The following UBE3A variants were observed in gnomAD, a reference collection of about 807,000 sequenced individuals.
The protein encoded by UBE3A is ubiquitin-protein ligase E3A.
Under a neutral mutation model 83.4 loss-of-function variants are expected in UBE3A, and 6 were observed. That is an observed-to-expected ratio of 0.07 (90% CI 0.04 to 0.14). The LOEUF is 0.14. Among genes scored for constraint, UBE3A ranks in the 10% least tolerant of loss-of-function variants. The pLI is 1.00. For missense variants in UBE3A, 456 were observed against 1,036.1 expected (o/e 0.44, Z 7.69); for synonymous variants, 337 against 355.4 (o/e 0.95, Z 0.58).
chr15:25,433,152 A>G (rs1161177252), intron 1 of UBE3A, among the ~76,000 whole-genome samples: 2 of 151,960 alleles, frequency 1.3e-5, no homozygotes, highest in Non-Finnish European at 1.5e-5. Flanking sequence ...TTTAAAATGA[A>G]TTCACACACT....
At chr15:25,431,228 TAC>T (rs1467379895) in intron 1 of UBE3A, among the ~76,000 whole-genome samples, 4 of 152,220 alleles carry the variant, frequency 2.6e-5, no homozygotes, top group African/African-American at 9.6e-5. Context: ...TTCAACATGT[TAC>T]AGAGATGGCA....
At chr15:25,437,128 C>T (rs769222594) in intron 1 of UBE3A, among the ~76,000 whole-genome samples, 11 of 152,090 alleles carry the variant, frequency 7.2e-5, no homozygotes, top group South Asian at 2.1e-4. Flanking sequence ...GGCTTCTGGT[C>T]ATCCTTAGGG....
At chr15:25,361,434 A>T (rs2078087940) in intron 6 of UBE3A, among the ~76,000 whole-genome samples, 1 of 152,068 alleles carries the variant, frequency 6.6e-6, no homozygotes. Flanking sequence ...CTTATTCTTA[A>T]ATTGTAAGTT....
At chr15:25,388,480 C>T (rs1423774173) in intron 4 of UBE3A, among the ~76,000 whole-genome samples, 2 of 152,014 alleles carry the variant, frequency 1.3e-5, no homozygotes, top group African/African-American at 4.8e-5. Flanking sequence ...TGATAAAGAA[C>T]GTTTACAAAA....
At chr15:25,343,670 CA>C (rs1199392520) in intron 11 of UBE3A, among the ~76,000 whole-genome samples, 1 of 151,618 alleles carries the variant, frequency 6.6e-6, no homozygotes, top group Non-Finnish European at 1.5e-5. Context: ...TTTCATTTGG[CA>C]AAAAAATCCT....
intron 11 of UBE3A, 138 bp downstream of exon 11, chr15:25,354,215 A>G (rs777293233): frequency 7.6e-5 from 57 of 746,008 alleles, no homozygotes; most frequent in Non-Finnish European, 1.2e-5. Flanking sequence ...ATTATATTAC[A>G]AATACAAATC....
chr15:25,414,664 A>G (rs1279176561), intron 1 of UBE3A, among the ~76,000 whole-genome samples: 4 of 152,222 alleles, frequency 2.6e-5, no homozygotes, highest in African/African-American at 9.6e-5. Context: ...TCTCAGTCAT[A>G]TTCTAAAGAG....
intron 1 of UBE3A, among the ~76,000 whole-genome samples, chr15:25,423,313 C>T (rs1324861711): frequency 6.6e-6 from 1 of 152,060 alleles, no homozygotes; most frequent in Non-Finnish European, 1.5e-5. Context: ...GGTAAATGAG[C>T]AGTCCCTAAT....
At chr15:25,407,261 C>A in intron 3 of UBE3A, 1 of 1,089,106 alleles carries the variant, frequency 9.2e-7, no homozygotes, top group Non-Finnish European at 1.1e-6. Flanking sequence ...AACCTGCTGG[C>A]ACTGAGGGAA....
At chr15:25,354,717 A>G in intron 9 of UBE3A, 34 bp from the exon 10 acceptor site, 2 of 1,590,308 alleles carry the variant, frequency 1.3e-6, no homozygotes, top group African/African-American at 1.3e-5. Flanking sequence ...AACTTCTTAT[A>G]ATATGCTATG....
intron 1 of UBE3A, among the ~76,000 whole-genome samples, chr15:25,423,184 A>C (rs1017247052): frequency 6.6e-6 from 1 of 152,144 alleles, no homozygotes; most frequent in African/African-American, 2.4e-5. Flanking sequence ...TGATATATAA[A>C]GAATGCTTAC....
At chr15:25,433,105 T>C (rs1893936946) in intron 1 of UBE3A, among the ~76,000 whole-genome samples, 1 of 152,156 alleles carries the variant, frequency 6.6e-6, no homozygotes, top group African/African-American at 2.4e-5. Context: ...TCACAAACTA[T>C]TAAGATCCAT....
intron 1 of UBE3A, among the ~76,000 whole-genome samples, chr15:25,426,827 A>G (rs1346259218): frequency 6.8e-6 from 1 of 147,416 alleles, no homozygotes; most frequent in African/African-American, 2.5e-5. Flanking sequence ...GCTGGTTATA[A>G]TTTTTTTTTT....
At position 25,345,208 on chromosome 15, in the gene UBE3A, G is replaced by A. The variant is rs370662473; in HGVS notation, c.2355-4980C>T. 1.4e-4 allele frequency among the ~76,000 whole-genome samples: 21 copies of A among 152,044 alleles called. 2 individuals carry two copies. The highest frequency in any genetic ancestry group is 4.8e-4 in the African/African-American group (20 of 41,468). On this transcript the variant is annotated intron_variant, in intron 11 of 12. Transcript: ENST00000648336. The stretch of plus-strand genomic sequence containing the variant: ...AAAGCACAGGCCAATCTGAAAACAG[G>A]GCTTAAAGTTTTAAAAAGTTCTACA...
chr15:25,402,604 T>TG (rs1416381393), intron 4 of UBE3A, among the ~76,000 whole-genome samples: 1 of 152,102 alleles, frequency 6.6e-6, no homozygotes, highest in Non-Finnish European at 1.5e-5. Flanking sequence ...TTTGGGGCCA[T>TG]GGGGGCCTGC....
In UBE3A at chr15:25,335,943, T is replaced by C. The variant is rs1339841667; in HGVS notation, c.*3194A>G. On this transcript the variant is annotated 3_prime_UTR_variant, in exon 13 of 13. Coordinates refer to ENST00000648336, the MANE Select transcript of UBE3A (RefSeq NM_130839.5). ...TCAAGGTTATAGATGTTACTGATTT[T>C]GGCAATGAGGAGATTATAAGGATCC... 3.3e-5 allele frequency: 5 copies of C among 152,204 alleles called. No individual in the cohort carries two copies. Among genetic ancestry groups the C allele is most frequent in the Non-Finnish European group, 5.9e-5 (4 of 68,050 alleles). The allele number at this position is 152,204 out of a possible 1,614,324, so 9.4% of individuals were successfully genotyped here.
chr15:25,435,771 G>T (rs950493826), intron 1 of UBE3A, among the ~76,000 whole-genome samples: 1 of 152,178 alleles, frequency 6.6e-6, no homozygotes, highest in African/African-American at 2.4e-5. Flanking sequence ...AACAGACTAA[G>T]ACATCTAGTA....
intron 3 of UBE3A, chr15:25,407,461 G>A (rs1367701648): frequency 1.1e-5 from 2 of 181,148 alleles, no homozygotes; most frequent in Non-Finnish European, 2.2e-5. Context: ...ACAAAGTTTT[G>A]AGATCCTGAA....
chr15:25,375,867 A>T, intron 4 of UBE3A, 104 bp from the exon 5 acceptor site: 1 of 1,309,044 alleles, frequency 7.6e-7, no homozygotes, highest in Non-Finnish European at 1.1e-6. Context: ...TGAAGTGATT[A>T]ACCTGTGTAT....
Sources: allele counts gnomAD v4.1 joint callset (sites outside exome capture counted in the v4.1 genomes callset), GRCh38; gene constraint gnomAD v4.1.1; transcripts MANE v1.5; gene names NCBI Gene and HGNC (gene_info 2026-07-23, HGNC 2026-07-21).